The following ABCB7 variants were observed in gnomAD, a reference collection of about 807,000 sequenced individuals.
The protein encoded by ABCB7 is ATP binding cassette subfamily B member 7.
ABCB7 carries 7 observed loss-of-function variants against 54.4 expected under a neutral mutation model. The ratio of observed to expected loss-of-function variants is 0.13; its 90% CI spans 0.07 to 0.24. The LOEUF is 0.24. ABCB7 is among the 10% of genes least tolerant of loss of function. ABCB7 has a pLI of 1.00. For synonymous variants in ABCB7, 218 were observed against 207.1 expected (o/e 1.05, Z -0.45); for missense variants, 356 against 570.4 (o/e 0.62, Z 3.83).
At chrX:75,108,346 C>G (rs2081723501) in intron 3 of ABCB7, among the ~76,000 whole-genome samples, 1 of 111,579 alleles carries the variant, frequency 9.0e-6, no homozygotes, top group African/African-American at 3.3e-5. Flanking sequence ...CACCTGCTGA[C>G]TGCATAGTCC....
At chrX:75,097,649 G>A (rs2081603177) in intron 4 of ABCB7, 1 of 111,135 alleles carries the variant, frequency 9.0e-6, no homozygotes, top group Non-Finnish European at 1.9e-5. Flanking sequence ...AAAAATAAGT[G>A]GTAAGAACTG....
At chrX:75,083,476 C>G (rs1454689223) in intron 4 of ABCB7, among the ~76,000 whole-genome samples, 1 of 111,389 alleles carries the variant, frequency 9.0e-6, no homozygotes, top group Admixed American at 9.5e-5. Context: ...ATGGAAGACA[C>G]GACCTAGTAA....
intron 4 of ABCB7, among the ~76,000 whole-genome samples, chrX:75,092,433 T>C (rs1368022984): frequency 9.0e-6 from 1 of 111,425 alleles, no homozygotes; most frequent in East Asian, 2.8e-4. Flanking sequence ...TAACTCTAAA[T>C]AGATCATAGA....
chrX:75,141,582 G>T (rs2082054254), intron 1 of ABCB7, among the ~76,000 whole-genome samples: 1 of 111,467 alleles, frequency 9.0e-6, no homozygotes, highest in South Asian at 3.7e-4. Flanking sequence ...CAATCCCAGT[G>T]TCAGATACAA....
intron 1 of ABCB7, among the ~76,000 whole-genome samples, chrX:75,116,150 C>T (rs2081816336): frequency 9.0e-6 from 1 of 111,588 alleles, no homozygotes; most frequent in Non-Finnish European, 1.9e-5. Context: ...CATTCACCAT[C>T]TTTATCTCTG....
At chrX:75,121,053 C>T (rs1465549743) in intron 1 of ABCB7, among the ~76,000 whole-genome samples, 1 of 110,547 alleles carries the variant, frequency 9.0e-6, no homozygotes, top group Non-Finnish European at 1.9e-5. Context: ...CTTTGGGAGG[C>T]TGAGGCGGGC....
intron 3 of ABCB7, among the ~76,000 whole-genome samples, chrX:75,107,342 C>T (rs1245013227): frequency 9.0e-6 from 1 of 111,161 alleles, no homozygotes; most frequent in Non-Finnish European, 1.9e-5. Context: ...GGGCTGAGGG[C>T]GAGGGTCACA....
At chrX:75,054,246 A>G (rs974133419) in intron 15 of ABCB7, among the ~76,000 whole-genome samples, 1 of 112,245 alleles carries the variant, frequency 8.9e-6, no homozygotes, top group Non-Finnish European at 1.9e-5. Context: ...GACTTTTACA[A>G]TAAACCCTTA....
chrX:75,071,316 C>A (rs2081361989), intron 9 of ABCB7, among the ~76,000 whole-genome samples, 193 bp downstream of exon 9: 1 of 111,029 alleles, frequency 9.0e-6, no homozygotes, highest in African/African-American at 3.3e-5. Context: ...TGAGGCAGTG[C>A]TAAACAAAAG....
At chrX:75,065,943 T>A (rs974797907) in intron 12 of ABCB7, among the ~76,000 whole-genome samples, 15 of 112,026 alleles carry the variant, frequency 1.3e-4, no homozygotes, top group African/African-American at 3.6e-4. Flanking sequence ...TAGGTGTTGC[T>A]ATTCTTAGGG....
chrX:75,098,931 T>C lies in ABCB7; in HGVS notation c.453+11A>G. ...TTAGTTAGAGCAACCAAACAATGCA[T>C]AATTTCTTACCTTTGCACCACCCAA... is the stretch of plus-strand genomic sequence containing the variant. On this transcript the variant is annotated intron_variant, in intron 4 of 15. Coordinates refer to ENST00000373394, the MANE Select transcript of ABCB7 (RefSeq NM_001271696.3). The C allele has an allele frequency of 8.3e-7, 1 of 1,211,337 alleles. No individual in the cohort carries two copies. Among genetic ancestry groups the C allele is most frequent in the Non-Finnish European group, 1.1e-6 (1 of 895,145 alleles).
At position 75,114,773 on chromosome X, in the gene ABCB7, T is replaced by A; in HGVS notation, c.227A>T (p.Gln76Leu). Reference sequence around the variant, plus strand: ...TCTTACCTTTGCAGCATCTAAGAACTGTCCTGAATTGCCTTTTCCCAATCT... The same window carrying A: ...TCTTACCTTTGCAGCATCTAAGAACAGTCCTGAATTGCCTTTTCCCAATCT... ...WQRLGKGNSG[Q>L]FLDAAKALQV... The change falls in exon 2 of 16, where the codon CAG becomes CTG. Residue 76 changes from glutamine to leucine, a missense_variant. Physicochemically the swap from Gln to Leu is moderately radical, Grantham distance 113 (BLOSUM62 -2). Coordinates refer to ENST00000373394, the MANE Select transcript of ABCB7 (RefSeq NM_001271696.3). 8.3e-7 allele frequency: 1 copy of A among 1,200,890 alleles called. No homozygotes were observed. Among genetic ancestry groups the A allele is most frequent in the Non-Finnish European group, 1.1e-6 (1 of 888,321 alleles).
intron 1 of ABCB7, among the ~76,000 whole-genome samples, chrX:75,155,215 T>G (rs1438839702): frequency 8.8e-6 from 1 of 113,297 alleles, no homozygotes; most frequent in Non-Finnish European, 1.9e-5. Flanking sequence ...CAGGGCTATG[T>G]ACAAGGTAGA....
At chrX:75,130,561 T>C (rs1173161384) in intron 1 of ABCB7, among the ~76,000 whole-genome samples, 2 of 112,235 alleles carry the variant, frequency 1.8e-5, no homozygotes, top group African/African-American at 6.5e-5. Flanking sequence ...TGAAGAATTA[T>C]GGTTATACTT....
chrX:75,107,545 G>C (rs1199526288), intron 3 of ABCB7, among the ~76,000 whole-genome samples: 2 of 111,596 alleles, frequency 1.8e-5, no homozygotes, highest in Admixed American at 1.9e-4. Flanking sequence ...TGTCAGAGTC[G>C]TGAGGGCCCT....
chrX:75,099,087 G>A, intron 3 of ABCB7, 26 bp from the exon 4 acceptor site: 1 of 1,194,741 alleles, frequency 8.4e-7, no homozygotes, highest in East Asian at 3.0e-5. Context: ...AAACAAAGCA[G>A]TGAATAACAT....
intron 1 of ABCB7, among the ~76,000 whole-genome samples, chrX:75,131,225 C>T (rs2081971440): frequency 1.9e-5 from 2 of 107,758 alleles, no homozygotes; most frequent in Admixed American, 2.0e-4. Context: ...ATACTAGATG[C>T]AAAAAGAAAA....
intron 4 of ABCB7, among the ~76,000 whole-genome samples, chrX:75,090,038 T>C (rs1388812279): frequency 9.1e-6 from 1 of 110,487 alleles, no homozygotes; most frequent in Non-Finnish European, 1.9e-5. Context: ...AAGAGGTTAA[T>C]TCTCCAAAAA....
intron 6 of ABCB7, among the ~76,000 whole-genome samples, chrX:75,074,999 G>GA (rs201158248): frequency 0.017 from 1,896 of 108,474 alleles, 48 homozygotes; most frequent in African/African-American, 0.061. Flanking sequence ...TTGAAACAGA[G>GA]AAAAAAAAAT....
Sources: allele counts gnomAD v4.1 joint callset (sites outside exome capture counted in the v4.1 genomes callset), GRCh38; gene constraint gnomAD v4.1.1; transcripts MANE v1.5; gene names NCBI Gene and HGNC (gene_info 2026-07-23, HGNC 2026-07-21).